Variants in SELENOF observed in about 807,000 individuals in gnomAD.
The protein encoded by SELENOF is selenoprotein F.
SELENOF carries 16 observed loss-of-function variants against 20.5 expected under a neutral mutation model. That is an observed-to-expected ratio of 0.78 (90% CI 0.53 to 1.19). The LOEUF (loss-of-function observed/expected upper bound fraction) is 1.19, where lower values mean the gene tolerates loss of function less well. Ranked by LOEUF, SELENOF falls within the 50% of genes most tolerant of loss-of-function variation. The pLI is 0.00. For missense variants in SELENOF, 215 were observed against 194.2 expected (o/e 1.11, Z -0.64); for synonymous variants, 78 against 74.5 (o/e 1.05, Z -0.24).
At chr1:86,900,277 C>G (rs1201735920) in intron 2 of SELENOF, among the ~76,000 whole-genome samples, 1 of 152,090 alleles carries the variant, frequency 6.6e-6, no homozygotes, top group African/African-American at 2.4e-5. Context: ...GATCACGCCA[C>G]TGCACTCCAG....
At chr1:86,890,600 C>T (rs772553998) in intron 2 of SELENOF, among the ~76,000 whole-genome samples, 2 of 151,912 alleles carry the variant, frequency 1.3e-5, no homozygotes, top group South Asian at 2.1e-4. Context: ...AGTGATCCTC[C>T]GGTAGCCTCA....
At chr1:86,895,499 G>T (rs1659498295) in intron 2 of SELENOF, among the ~76,000 whole-genome samples, 1 of 152,128 alleles carries the variant, frequency 6.6e-6, no homozygotes, top group Admixed American at 6.6e-5. Flanking sequence ...CACCCTATGA[G>T]ACAGGAACTA....
chr1:86,872,270 G>T (rs2753282), intron 3 of SELENOF, among the ~76,000 whole-genome samples: 18,685 of 152,212 alleles, frequency 0.12, 1,232 homozygotes, highest in Non-Finnish European at 0.14. Context: ...TGACTATCAT[G>T]CATGAAATGG....
At chr1:86,868,416 G>A (rs1291215986) in intron 3 of SELENOF, among the ~76,000 whole-genome samples, 3 of 152,084 alleles carry the variant, frequency 2.0e-5, no homozygotes, top group South Asian at 2.1e-4. Context: ...AAAAAGATAT[G>A]GAGAGAGAAT....
chr1:86,913,775 T>C (rs887721437), intron 1 of SELENOF: 12 of 489,892 alleles, frequency 2.4e-5, no homozygotes, highest in East Asian at 2.2e-4. Flanking sequence ...AGATTGTTTT[T>C]AGCAAGAGCC....
At chr1:86,914,231 G>C, upstream of SELENOF, 1 of 839,930 alleles carries the variant, frequency 1.2e-6, no homozygotes, top group Non-Finnish European at 2.0e-6. Flanking sequence ...GGAAGTGACA[G>C]GTATTAAATA....
At chr1:86,887,284 A>G in intron 2 of SELENOF, 1 of 1,393,490 alleles carries the variant, frequency 7.2e-7, no homozygotes. Flanking sequence ...TCTGAGATTA[A>G]ATTACTACTC....
chr1:86,905,716 A>G (rs756450576), intron 1 of SELENOF, among the ~76,000 whole-genome samples: 1 of 152,222 alleles, frequency 6.6e-6, no homozygotes, highest in Non-Finnish European at 1.5e-5. Context: ...GGGAAATTTC[A>G]GATTGACTGC....
chr1:86,903,032 G>T (rs1245968181), intron 2 of SELENOF, among the ~76,000 whole-genome samples: 1 of 152,194 alleles, frequency 6.6e-6, no homozygotes, highest in Non-Finnish European at 1.5e-5. Flanking sequence ...CAGGATCAAA[G>T]CATGTTATAG....
chr1:86,897,304 GA>G (rs1420553088), intron 2 of SELENOF, among the ~76,000 whole-genome samples: 1 of 151,968 alleles, frequency 6.6e-6, no homozygotes, highest in Non-Finnish European at 1.5e-5. Context: ...GGGAGGGGTG[GA>G]AAAAAATCCA....
At chr1:86,898,707 A>G (rs1659590852) in intron 2 of SELENOF, among the ~76,000 whole-genome samples, 1 of 150,384 alleles carries the variant, frequency 6.6e-6, no homozygotes, top group Non-Finnish European at 1.5e-5. Flanking sequence ...TCAGCCTCCC[A>G]AGTAGCTGGG....
At chr1:86,900,839 G>A (rs1000585156) in intron 2 of SELENOF, among the ~76,000 whole-genome samples, 29 of 152,250 alleles carry the variant, frequency 1.9e-4, no homozygotes, top group African/African-American at 7.0e-4. Flanking sequence ...CACCCGAGTT[G>A]ACTTTTAAAG....
chr1:86,910,533 G>A lies in SELENOF; in HGVS notation c.84+3495C>T, dbSNP rs903149524. 7.9e-5 allele frequency among the ~76,000 whole-genome samples: 12 copies of A among 151,958 alleles called. 1 individual carries two copies. Among genetic ancestry groups the A allele is most frequent in the Admixed American group, 3.9e-4 (6 of 15,252 alleles). On this transcript the variant is annotated intron_variant, in intron 1 of 4. Coordinates refer to ENST00000331835, the MANE Select transcript of SELENOF (RefSeq NM_004261.5). ...ATCCTGGCCAACATGGTGAAACCCC[G>A]TCTCTACTAAAAATACAAAAATTAG...
chr1:86,863,368 G>T lies in SELENOF; in HGVS notation c.*106C>A, dbSNP rs1035201874. 2.1e-6 allele frequency: 2 copies of T among 941,730 alleles called. No individual in the cohort carries two copies. The highest frequency in any genetic ancestry group is 2.6e-5 in the East Asian group (1 of 38,296). The allele number at this position is 941,730 out of a possible 1,614,324, so 58.3% of individuals were successfully genotyped here. A position where few individuals can be genotyped will look rare whatever the true frequency, so the allele number is the denominator to read the frequency against. On this transcript the variant is annotated 3_prime_UTR_variant, in exon 5 of 5. Transcript: ENST00000331835. Reference sequence around the variant, plus strand: ...TTTAATTAGATATTTAATGCCTCAAGTAAAAGACTGATCAATGGAAGCAAG... The same window carrying T: ...TTTAATTAGATATTTAATGCCTCAATTAAAAGACTGATCAATGGAAGCAAG...
intron 3 of SELENOF, among the ~76,000 whole-genome samples, chr1:86,879,874 T>C (rs937451410): frequency 3.3e-5 from 5 of 152,240 alleles, no homozygotes; most frequent in African/African-American, 9.6e-5. Context: ...TGAAGATATA[T>C]ACATATGACT....
At chr1:86,869,708 TTTCCTTCC>T (rs60764775) in intron 3 of SELENOF, among the ~76,000 whole-genome samples, 2 of 151,916 alleles carry the variant, frequency 1.3e-5, no homozygotes, top group Non-Finnish European at 2.9e-5. Context: ...TTCTTTCTTC[TTTCCTTCC>T]TTCCTTCCTT....
intron 1 of SELENOF, among the ~76,000 whole-genome samples, chr1:86,908,630 T>C (rs1436712615): frequency 1.3e-5 from 2 of 152,174 alleles, no homozygotes; most frequent in South Asian, 4.1e-4. Context: ...GCACCAACGA[T>C]TTTAACTGTG....
rs1019415528 is a variant in SELENOF at position 86,862,514 on chromosome 1, A to T, written c.*960T>A. 6.6e-6 allele frequency: 1 copy of T among 152,170 alleles called. No homozygotes were observed. The highest frequency in any genetic ancestry group is 1.5e-5 in the Non-Finnish European group (1 of 68,016). The allele number at this position is 152,170 out of a possible 1,614,324, so 9.4% of individuals were successfully genotyped here. Reference sequence around the variant, plus strand: ...GAGATATTCCTTAAATAATATACCAATGAAAATGTGTTCATAAATGAAAAA... The same window carrying T: ...GAGATATTCCTTAAATAATATACCATTGAAAATGTGTTCATAAATGAAAAA... On this transcript the variant is annotated 3_prime_UTR_variant, in exon 5 of 5. Coordinates refer to ENST00000331835, the MANE Select transcript of SELENOF (RefSeq NM_004261.5).
intron 3 of SELENOF, among the ~76,000 whole-genome samples, chr1:86,877,763 T>A (rs1032556457): frequency 3.3e-5 from 5 of 152,350 alleles, no homozygotes; most frequent in Middle Eastern, 6.8e-3. Context: ...GCTTGCTTTT[T>A]TTAATAAAGT....
Sources: gnomAD v4.1 joint callset for allele counts (sites outside exome capture counted in the v4.1 genomes callset) on GRCh38, gnomAD v4.1.1 for gene constraint, MANE v1.5 for transcripts, NCBI Gene and HGNC (gene_info 2026-07-23, HGNC 2026-07-21) for gene names.